The following CACNA1I variants were observed in gnomAD, a reference collection of about 807,000 sequenced individuals.
The protein encoded by CACNA1I is voltage-dependent T-type calcium channel subunit alpha-1I.
A neutral mutation model predicts 201.6 loss-of-function variants in CACNA1I; 74 were observed. That is an observed-to-expected ratio of 0.37 (90% CI 0.30 to 0.45). The LOEUF (loss-of-function observed/expected upper bound fraction) is 0.45, where lower values mean the gene tolerates loss of function less well. Among genes scored for constraint, CACNA1I ranks in the 20% least tolerant of loss-of-function variants. The pLI, the probability that CACNA1I is intolerant of heterozygous loss-of-function variation, is 1.00. For missense variants in CACNA1I, 2,346 were observed against 3,138.1 expected (o/e 0.75, Z 6.03); for synonymous variants, 1,431 against 1,345.2 (o/e 1.06, Z -1.40).
At chr22:39,606,187 G>A (rs141509115) in intron 3 of CACNA1I, among the ~76,000 whole-genome samples, 100 of 152,300 alleles carry the variant, frequency 6.6e-4, no homozygotes, top group African/African-American at 2.3e-3. Context: ...GGGGTAGAGA[G>A]AATGGGCTGC....
intron 7 of CACNA1I, among the ~76,000 whole-genome samples, chr22:39,646,363 C>T (rs1569077705): frequency 6.6e-6 from 1 of 152,022 alleles, no homozygotes; most frequent in Non-Finnish European, 1.5e-5. Flanking sequence ...CTTGCTCTGG[C>T]CTCTGTGTCT....
intron 1 of CACNA1I, among the ~76,000 whole-genome samples, chr22:39,594,794 A>C (rs577854167): frequency 1.3e-4 from 20 of 152,186 alleles, no homozygotes; most frequent in African/African-American, 4.8e-4. Flanking sequence ...CGGATGTTGG[A>C]GTGGGCAGGG....
At chr22:39,625,789 C>T (rs1248485845) in intron 4 of CACNA1I, among the ~76,000 whole-genome samples, 1 of 152,174 alleles carries the variant, frequency 6.6e-6, no homozygotes, top group African/African-American at 2.4e-5. Flanking sequence ...CCGCCTCTCT[C>T]TGGGCCTTGG....
chr22:39,635,907 C>T (rs1269795967), intron 5 of CACNA1I, among the ~76,000 whole-genome samples: 1 of 152,172 alleles, frequency 6.6e-6, no homozygotes, highest in African/African-American at 2.4e-5. Context: ...AGCTCGCCAT[C>T]ACACAGCCCT....
chr22:39,669,540 AATGGATGGGTGGGTGG>A (rs999497761), intron 24 of CACNA1I, among the ~76,000 whole-genome samples: 3 of 139,194 alleles, frequency 2.2e-5, no homozygotes, highest in Non-Finnish European at 4.7e-5. Context: ...TGGATGGATG[AATGGATGGGTGGGTGG>A]ATGGATGGGT....
chr22:39,684,306 C>G lies in CACNA1I; in HGVS notation c.5835C>G (p.Pro1945=). The part of the protein sequence containing the change: ...SWLKHDSSQA[P]PSPFSPDASS... ...TGTCTTCTCCTTTCCCAGCAGCACC[C>G]CCAAGTCCCTTCTCCCCGGATGCCT... Residue 1945 remains proline (P), a synonymous_variant, in exon 36 of 37, where the codon CCC becomes CCG. Coordinates refer to ENST00000402142, the MANE Select transcript of CACNA1I (RefSeq NM_021096.4). The surrounding 1 kb of genome is among the most constrained non-coding windows in gnomAD (Gnocchi z 4.6). The G allele has an allele frequency of 6.2e-7, 1 of 1,613,328 alleles. No individual in the cohort carries two copies. The highest frequency in any genetic ancestry group is 8.5e-7 in the Non-Finnish European group (1 of 1,179,740).
intron 1 of CACNA1I, among the ~76,000 whole-genome samples, chr22:39,595,410 G>A (rs1159083873): frequency 6.6e-6 from 1 of 151,398 alleles, no homozygotes; most frequent in Non-Finnish European, 1.5e-5. Context: ...GATCACCTGA[G>A]GTCAGGAGTT....
At chr22:39,636,369 A>G (rs769736462) in intron 5 of CACNA1I, among the ~76,000 whole-genome samples, 5 of 152,212 alleles carry the variant, frequency 3.3e-5, no homozygotes, top group Non-Finnish European at 5.9e-5. Flanking sequence ...GGAATAATAA[A>G]TACAAGGAAA....
intron 3 of CACNA1I, among the ~76,000 whole-genome samples, chr22:39,611,523 C>T (rs76829422): frequency 7.7e-4 from 117 of 152,334 alleles, no homozygotes; most frequent in Middle Eastern, 3.4e-3. Flanking sequence ...AAAAGCATCT[C>T]TGCACCACAC....
At chr22:39,626,528 G>T (rs956539118) in intron 4 of CACNA1I, among the ~76,000 whole-genome samples, 35 of 152,230 alleles carry the variant, frequency 2.3e-4, no homozygotes, top group African/African-American at 8.2e-4. Context: ...GTGGGCAGGG[G>T]ACTGCGTGGC....
Position 39,686,213 on chromosome 22 carries a change from C to T in CACNA1I, c.6480C>T (p.Ala2160=). 1.5e-5 allele frequency: 19 copies of T among 1,244,232 alleles called. No homozygotes were observed. Among genetic ancestry groups the T allele is most frequent in the Non-Finnish European group, 1.9e-5 (19 of 996,140 alleles). 77.1% of individuals were successfully genotyped at this position (1,244,232 alleles called of 1,614,324 possible). The stretch of plus-strand genomic sequence containing the variant: ...AGTTCAGCAGCACCAGCAGCCTGGC[C>T]GCCCCCGGCCGCCCCCACGCCGCCG... The part of the protein sequence containing the change: ...ARKFSSTSSL[A]APGRPHAAAL... The change falls in exon 37 of 37, where the codon GCC becomes GCT. Residue 2160 remains alanine, a synonymous_variant. Transcript: ENST00000402142.
chr22:39,670,852 C>T lies in CACNA1I; in HGVS notation c.4437C>T (p.Leu1479=), dbSNP rs769829578. ...CCACCTATTGTCACACCCGGCTGCT[C>T]ATCCACTCCATGTGCACCAGCCACT... ...YYATYCHTRL[L]IHSMCTSHYL... is the part of the protein sequence containing the mutation. Residue 1479 remains leucine (L), a synonymous_variant, in exon 26 of 37, where the codon CTC becomes CTT. Coordinates refer to ENST00000402142, the MANE Select transcript of CACNA1I (RefSeq NM_021096.4). 3.7e-6 allele frequency: 6 copies of T among 1,613,924 alleles called. No individual in the cohort carries two copies. Among genetic ancestry groups the T allele is most frequent in the Non-Finnish European group, 4.2e-6 (5 of 1,179,858 alleles).
chr22:39,669,199 G>A (rs1220982964), intron 24 of CACNA1I, among the ~76,000 whole-genome samples: 1 of 152,226 alleles, frequency 6.6e-6, no homozygotes, highest in East Asian at 1.9e-4. Flanking sequence ...AGGGCTGTGT[G>A]CAACTCCCAG....
chr22:39,678,953 G>C (rs926063155), intron 31 of CACNA1I, among the ~76,000 whole-genome samples, 154 bp from the exon 32 acceptor site: 1 of 152,148 alleles, frequency 6.6e-6, no homozygotes, highest in Non-Finnish European at 1.5e-5. Context: ...GGCAGATGCC[G>C]CAACAAGGCA....
intron 1 of CACNA1I, among the ~76,000 whole-genome samples, chr22:39,575,243 G>C (rs898439317): frequency 6.6e-6 from 1 of 152,216 alleles, no homozygotes; most frequent in Non-Finnish European, 1.5e-5. Flanking sequence ...AGACCCAGAG[G>C]CTGGTTCTGT....
At chr22:39,594,413 G>A (rs1454793981) in intron 1 of CACNA1I, among the ~76,000 whole-genome samples, 2 of 152,182 alleles carry the variant, frequency 1.3e-5, no homozygotes, top group Admixed American at 1.3e-4. Context: ...TAATTAGAAT[G>A]TTCGAACTTC....
At chr22:39,683,843 A>G (rs768466801) in intron 35 of CACNA1I, among the ~76,000 whole-genome samples, 1 of 151,828 alleles carries the variant, frequency 6.6e-6, no homozygotes, top group Non-Finnish European at 1.5e-5. Flanking sequence ...GCCCCAACCC[A>G]CCTGCTGTCC....
At position 39,649,124 on chromosome 22, in the gene CACNA1I, C is replaced by T. The variant is rs1934574274; in HGVS notation, c.1568-377C>T. On this transcript the variant is annotated intron_variant, in intron 9 of 36. Transcript: ENST00000402142. The surrounding 1 kb of genome is among the most constrained non-coding windows in gnomAD (Gnocchi z 7.3). ...CACATTGGCCTGACTCTTTCAGAATCACATCTAGTTCCCAAGCTGCACGAC... is the reference window on the plus strand; with the variant it reads ...CACATTGGCCTGACTCTTTCAGAATTACATCTAGTTCCCAAGCTGCACGAC... Among the ~76,000 whole-genome samples, 1 of 152,228 alleles carries T rather than the reference C, an allele frequency of 6.6e-6. No individual in the cohort carries two copies. Among genetic ancestry groups the T allele is most frequent in the Non-Finnish European group, 1.5e-5 (1 of 68,036 alleles).
intron 3 of CACNA1I, among the ~76,000 whole-genome samples, chr22:39,608,902 TGACTCTTACA>T (rs1290549112): frequency 9.2e-5 from 14 of 152,184 alleles, no homozygotes; most frequent in Non-Finnish European, 1.3e-4. Context: ...TTCTCCACCC[TGACTCTTACA>T]GACTCTTGGG....
Sources: gnomAD v4.1 joint callset for allele counts (sites outside exome capture counted in the v4.1 genomes callset) on GRCh38, gnomAD v4.1.1 for gene constraint, Gnocchi (gnomAD v3.1) non-coding constraint, MANE v1.5 for transcripts, NCBI Gene and HGNC (gene_info 2026-07-23, HGNC 2026-07-21) for gene names.